The following L3MBTL4 variants were observed in gnomAD, a reference collection of about 807,000 sequenced individuals.
L3MBTL4 encodes L3MBTL histone methyl-lysine binding protein 4.
In L3MBTL4, 70 loss-of-function variants were observed where a neutral mutation model predicts 84.5. The ratio of observed to expected loss-of-function variants is 0.83; its 90% CI spans 0.68 to 1.01. The LOEUF (loss-of-function observed/expected upper bound fraction) is 1.01. L3MBTL4 is among the 50% of genes least tolerant of loss of function. L3MBTL4 has a pLI of 0.00. For missense variants in L3MBTL4, 715 were observed against 754.8 expected, an observed-to-expected ratio of 0.95 and a Z score of 0.62; for synonymous variants, 274 against 259.8, an observed-to-expected ratio of 1.05 and a Z score of -0.52.
At chr18:6,322,813 A>G (rs2051498387) in intron 1 of L3MBTL4, among the ~76,000 whole-genome samples, 1 of 152,078 alleles carries the variant, frequency 6.6e-6, no homozygotes, top group South Asian at 2.1e-4. Context: ...AAAGAATAAG[A>G]TCTAGTATTT....
chr18:5,970,549 T>C (rs375137432), intron 16 of L3MBTL4, among the ~76,000 whole-genome samples: 1 of 152,172 alleles, frequency 6.6e-6, no homozygotes, highest in Non-Finnish European at 1.5e-5. Flanking sequence ...AACCAATGCC[T>C]TTATAAGGAC....
chr18:6,218,279 A>T (rs1242349709), intron 10 of L3MBTL4, among the ~76,000 whole-genome samples: 1 of 151,952 alleles, frequency 6.6e-6, no homozygotes, highest in East Asian at 1.9e-4. Flanking sequence ...ACCACACCCA[A>T]CTCTGCATTT....
At chr18:6,183,101 G>T (rs116975761) in intron 12 of L3MBTL4, among the ~76,000 whole-genome samples, 2 of 152,254 alleles carry the variant, frequency 1.3e-5, no homozygotes, top group African/African-American at 2.4e-5. Context: ...TTTCAGATAA[G>T]ATTTGCACAA....
chr18:6,126,009 G>A (rs549522789), intron 14 of L3MBTL4, among the ~76,000 whole-genome samples: 1 of 152,084 alleles, frequency 6.6e-6, no homozygotes, highest in Non-Finnish European at 1.5e-5. Context: ...TGTGATCAAT[G>A]TAACTCAGGA....
At chr18:6,343,730 A>G (rs2052729427) in intron 1 of L3MBTL4, among the ~76,000 whole-genome samples, 1 of 152,062 alleles carries the variant, frequency 6.6e-6, no homozygotes, top group Non-Finnish European at 1.5e-5. Flanking sequence ...GTATGAAACT[A>G]AAAATCAATA....
intron 12 of L3MBTL4, among the ~76,000 whole-genome samples, chr18:6,180,922 G>A (rs555049785): frequency 2.6e-5 from 4 of 152,266 alleles, no homozygotes; most frequent in East Asian, 3.9e-4. Context: ...GTATGTACAC[G>A]CAATGGAATA....
intron 1 of L3MBTL4, among the ~76,000 whole-genome samples, chr18:6,314,291 T>A (rs944343938): frequency 6.6e-6 from 1 of 152,190 alleles, no homozygotes; most frequent in Non-Finnish European, 1.5e-5. Context: ...AAATGTCACA[T>A]CAGCCACATG....
In L3MBTL4 at chr18:6,071,013, C is replaced by T. The variant is rs2057573430; in HGVS notation, c.1444+9868G>A. On this transcript the variant is annotated intron_variant, in intron 16 of 18. Coordinates refer to ENST00000317931, the MANE Select transcript of L3MBTL4 (RefSeq NM_001330559.2). ...GCTAATAGAGGGAGAATGGTATACT[C>T]ACATGAATTTTGGTTTAAAAAGATA... 1.3e-5 allele frequency among the ~76,000 whole-genome samples: 2 copies of T among 151,922 alleles called. 1 individual carries two copies. Among genetic ancestry groups the T allele is most frequent in the South Asian group, 4.2e-4 (2 of 4,802 alleles).
intron 16 of L3MBTL4, among the ~76,000 whole-genome samples, chr18:6,002,794 T>C (rs906627887): frequency 6.6e-6 from 1 of 151,820 alleles, no homozygotes; most frequent in African/African-American, 2.4e-5. Flanking sequence ...AAATCCTATA[T>C]GGTATATAGA....
chr18:6,213,888 A>C (rs550495985), intron 11 of L3MBTL4, among the ~76,000 whole-genome samples: 1 of 152,360 alleles, frequency 6.6e-6, no homozygotes, highest in South Asian at 2.1e-4. Flanking sequence ...ATCTTATTAC[A>C]GTTCCTATAT....
chr18:6,255,450 G>A (rs145141566), intron 5 of L3MBTL4, among the ~76,000 whole-genome samples: 1 of 152,296 alleles, frequency 6.6e-6, no homozygotes, highest in African/African-American at 2.4e-5. Flanking sequence ...AAAAGCATCT[G>A]AACCACATCA....
intron 16 of L3MBTL4, among the ~76,000 whole-genome samples, chr18:6,051,504 A>G (rs2056837455): frequency 6.6e-6 from 1 of 151,934 alleles, no homozygotes; most frequent in Admixed American, 6.6e-5. Context: ...ATGCCATTGC[A>G]TTCCAGCCTG....
At chr18:6,113,464 CAAAAAAA>C (rs34482524) in intron 14 of L3MBTL4, among the ~76,000 whole-genome samples, 6 of 113,798 alleles carry the variant, frequency 5.3e-5, no homozygotes, top group African/African-American at 1.3e-4. Context: ...CAAGTGTGGG[CAAAAAAA>C]AAAAAAAAAA....
At position 6,300,053 on chromosome 18, in the gene L3MBTL4, T is replaced by C. The variant is rs560703674; in HGVS notation, c.127+1850A>G. Among the ~76,000 whole-genome samples, 6 of 145,466 alleles carry C rather than the reference T, an allele frequency of 4.1e-5. No homozygotes were observed. In the East Asian group the frequency reaches 1.2e-3, roughly 29 times the overall value. Reference sequence around the variant, plus strand: ...TTCTGTGTGGGGTTTTTGTTTAGTATTTTTTTTGTTACTATTTCTAAGACA... The same window carrying C: ...TTCTGTGTGGGGTTTTTGTTTAGTACTTTTTTTGTTACTATTTCTAAGACA... On this transcript the variant is annotated intron_variant, in intron 4 of 18. Coordinates refer to ENST00000317931, the MANE Select transcript of L3MBTL4 (RefSeq NM_001330559.2).
chr18:6,207,124 G>T (rs2145726219), intron 12 of L3MBTL4, among the ~76,000 whole-genome samples: 1 of 152,308 alleles, frequency 6.6e-6, no homozygotes, highest in African/African-American at 2.4e-5. Flanking sequence ...TTCATGACAT[G>T]TGAAAAGTAT....
At chr18:5,973,481 A>G (rs898457789) in intron 16 of L3MBTL4, among the ~76,000 whole-genome samples, 1 of 152,254 alleles carries the variant, frequency 6.6e-6, no homozygotes, top group African/African-American at 2.4e-5. Flanking sequence ...ACTTTTGAAA[A>G]TATCCACTTA....
intron 16 of L3MBTL4, 34 bp downstream of exon 16, chr18:6,080,847 A>G (rs1194143523): frequency 1.4e-6 from 2 of 1,431,652 alleles, no homozygotes; most frequent in African/African-American, 2.8e-5. Flanking sequence ...AACAAAAAGT[A>G]TATTCTGTGT....
intron 1 of L3MBTL4, among the ~76,000 whole-genome samples, chr18:6,318,238 G>A (rs2051210065): frequency 6.6e-6 from 1 of 151,806 alleles, no homozygotes; most frequent in Admixed American, 6.6e-5. Flanking sequence ...ATGATGACTG[G>A]AACAGTACCT....
At chr18:6,027,179 C>T (rs1283944378) in intron 16 of L3MBTL4, among the ~76,000 whole-genome samples, 1 of 152,140 alleles carries the variant, frequency 6.6e-6, no homozygotes, top group East Asian at 1.9e-4. Context: ...AATGCTCTCC[C>T]TCCCTTGACC....
Sources: allele counts gnomAD v4.1 joint callset (sites outside exome capture counted in the v4.1 genomes callset), GRCh38; gene constraint gnomAD v4.1.1; transcripts MANE v1.5; gene names NCBI Gene and HGNC (gene_info 2026-07-23, HGNC 2026-07-21).